CHLSN: variants seen among roughly 807,000 people sequenced by gnomAD.
CHLSN encodes protein cholesin.
chr7:1,058,045 A>G, the CHLSN span: 2 of 768,780 alleles, frequency 2.6e-6, no homozygotes, highest in East Asian at 2.4e-5. Flanking sequence ...CGCGCGCTAG[A>G]GTGCGCCAAG....
chr7:997,356 A>G, the CHLSN span: 1 of 399,720 alleles, frequency 2.5e-6, no homozygotes. Context: ...GGTCCGGGTG[A>G]TTCCAGAGCA....
At chr7:1,072,447 C>A in the CHLSN span, among the ~76,000 whole-genome samples, 3 of 152,218 alleles carry the variant, frequency 2.0e-5, no homozygotes, top group African/African-American at 4.8e-5. Flanking sequence ...CAAATGGGGT[C>A]CAGTCAAGGA....
At chr7:1,135,487 C>T in the CHLSN span, among the ~76,000 whole-genome samples, 1 of 151,762 alleles carries the variant, frequency 6.6e-6, no homozygotes, top group Non-Finnish European at 1.5e-5. Context: ...ATGTGTATGG[C>T]CGGGCACGGT....
chr7:1,103,187 G>A, the CHLSN span, among the ~76,000 whole-genome samples: 5 of 152,228 alleles, frequency 3.3e-5, no homozygotes, highest in South Asian at 2.1e-4. Context: ...AGGGAAAGGC[G>A]TTTACGTGGC....
the CHLSN span, among the ~76,000 whole-genome samples, chr7:1,059,428 T>G: frequency 6.6e-6 from 1 of 151,816 alleles, no homozygotes; most frequent in African/African-American, 2.4e-5. Context: ...CAGCCTCAGA[T>G]GGGGCCCGGA....
the CHLSN span, among the ~76,000 whole-genome samples, chr7:1,125,600 T>G: frequency 1.1e-4 from 16 of 151,972 alleles, no homozygotes; most frequent in Admixed American, 1.0e-3. Context: ...GTTTAAGGAC[T>G]TAAGCAACAA....
At chr7:988,002 G>GGGGGGTCCCCTGTGTGTCCT in the CHLSN span, among the ~76,000 whole-genome samples, 3 of 97,896 alleles carry the variant, frequency 3.1e-5, no homozygotes, top group Admixed American at 1.0e-4. Context: ...TGTGTGTCCT[G>GGGGGGTCCCCTGTGTGTCCT]GGGGGTCCCC....
At chr7:1,100,860 A>G in the CHLSN span, among the ~76,000 whole-genome samples, 2 of 152,172 alleles carry the variant, frequency 1.3e-5, no homozygotes, top group African/African-American at 4.8e-5. Flanking sequence ...AGCTGCGTCT[A>G]CATCCATCAG....
At chr7:1,000,606 C>T in the CHLSN span, 2 of 1,419,954 alleles carry the variant, frequency 1.4e-6, no homozygotes, top group Non-Finnish European at 2.0e-6. Flanking sequence ...TCCCGGGCAG[C>T]TGTCTGCCCT....
the CHLSN span, chr7:1,058,653 C>T: frequency 4.9e-6 from 3 of 612,306 alleles, no homozygotes; most frequent in Non-Finnish European, 8.9e-6. Flanking sequence ...TTGAAGTTTC[C>T]TTTTTCCCAC....
At chr7:1,003,304 T>C in the CHLSN span, among the ~76,000 whole-genome samples, 19 of 44,288 alleles carry the variant, frequency 4.3e-4, 1 homozygote, top group East Asian at 3.2e-3. Context: ...TGGAGTCCTG[T>C]GGGTGAGTGG....
At chr7:1,075,713 C>T in the CHLSN span, among the ~76,000 whole-genome samples, 17 of 150,560 alleles carry the variant, frequency 1.1e-4, no homozygotes, top group African/African-American at 1.7e-4. Context: ...CCTGGGTTCA[C>T]GCCATTGTCC....
the CHLSN span, among the ~76,000 whole-genome samples, chr7:1,121,058 G>C: frequency 6.6e-6 from 1 of 152,312 alleles, no homozygotes; most frequent in African/African-American, 2.4e-5. Flanking sequence ...ATCAAAAACG[G>C]ATGGACACGG....
the CHLSN span, among the ~76,000 whole-genome samples, chr7:1,108,534 C>T: frequency 2.0e-5 from 3 of 152,208 alleles, no homozygotes; most frequent in Non-Finnish European, 4.4e-5. Context: ...TCCCATGAGG[C>T]GGGGGCAGTG....
At chr7:1,131,993 T>C in the CHLSN span, among the ~76,000 whole-genome samples, 1 of 152,210 alleles carries the variant, frequency 6.6e-6, no homozygotes, top group South Asian at 2.1e-4. Context: ...CCAGGACAAC[T>C]GGCTACCAAC....
chr7:1,062,741 C>A, the CHLSN span, among the ~76,000 whole-genome samples: 1 of 152,230 alleles, frequency 6.6e-6, no homozygotes, highest in African/African-American at 2.4e-5. Context: ...CCTGCCTCCG[C>A]CCTGCTGCAC....
chr7:1,103,803 G>A, the CHLSN span, among the ~76,000 whole-genome samples: 2 of 152,368 alleles, frequency 1.3e-5, no homozygotes, highest in South Asian at 2.1e-4. Context: ...CCCACTTCAC[G>A]GTGAGACACA....
chr7:982,122 G>A, the CHLSN span, among the ~76,000 whole-genome samples: 24 of 152,350 alleles, frequency 1.6e-4, no homozygotes, highest in South Asian at 5.0e-3. Context: ...CTACCCAGTA[G>A]TGGCCCTGGT....
the CHLSN span, among the ~76,000 whole-genome samples, chr7:1,136,465 C>CATATAAAT: frequency 0.013 from 877 of 67,766 alleles, 26 homozygotes; most frequent in Non-Finnish European, 0.016. Context: ...CATATATAAA[C>CATATAAAT]ATATATAAAT....
Sources: allele counts gnomAD v4.1 joint callset (sites outside exome capture counted in the v4.1 genomes callset), GRCh38; gene constraint gnomAD v4.1.1; transcripts MANE v1.5; gene names NCBI Gene and HGNC (gene_info 2026-07-23, HGNC 2026-07-21).